Variants in RGS22 observed in about 807,000 individuals in gnomAD.
The protein encoded by RGS22 is regulator of G-protein signaling 22.
RGS22 carries 148 observed loss-of-function variants against 172.9 expected under a neutral mutation model. The ratio of observed to expected loss-of-function variants is 0.86; its 90% CI spans 0.75 to 0.98. The LOEUF is 0.98. Ranked by LOEUF, RGS22 falls within the 50% of genes least tolerant of loss-of-function variation. The pLI is 0.00. For missense variants in RGS22, 1,347 were observed against 1,440.8 expected (o/e 0.93, Z 1.05); for synonymous variants, 458 against 480.2 (o/e 0.95, Z 0.60).
At chr8:100,021,621 C>A (rs569916121) in intron 14 of RGS22, among the ~76,000 whole-genome samples, 1 of 152,218 alleles carries the variant, frequency 6.6e-6, no homozygotes, top group Admixed American at 6.5e-5. Context: ...CACAACAGAA[C>A]AGATGTCCAC....
chr8:100,028,301 A>G (rs181548371), intron 14 of RGS22, among the ~76,000 whole-genome samples: 7 of 152,194 alleles, frequency 4.6e-5, no homozygotes, highest in Non-Finnish European at 7.4e-5. Flanking sequence ...CAGCATTTCT[A>G]GGTATTTTTT....
At chr8:100,014,628 G>C (rs1227402232) in intron 14 of RGS22, among the ~76,000 whole-genome samples, 1 of 151,988 alleles carries the variant, frequency 6.6e-6, no homozygotes, top group Non-Finnish European at 1.5e-5. Context: ...TTGATTCTAT[G>C]CCAATTTCCG....
At chr8:99,992,092 G>GCC (rs1813799150) in intron 20 of RGS22, among the ~76,000 whole-genome samples, 1 of 152,194 alleles carries the variant, frequency 6.6e-6, no homozygotes, top group Non-Finnish European at 1.5e-5. Flanking sequence ...CACCAAGCCT[G>GCC]CCTGACAAGA....
intron 18 of RGS22, among the ~76,000 whole-genome samples, chr8:100,001,649 T>C (rs1815102459): frequency 6.6e-6 from 1 of 152,216 alleles, no homozygotes; most frequent in Admixed American, 6.5e-5. Context: ...TCCTGGTCAA[T>C]AAAAATATTT....
At chr8:100,016,169 C>T (rs1436101413) in intron 14 of RGS22, among the ~76,000 whole-genome samples, 1 of 152,144 alleles carries the variant, frequency 6.6e-6, no homozygotes, top group African/African-American at 2.4e-5. Flanking sequence ...AAGAAACAGA[C>T]ATTTGTCTAA....
At chr8:99,976,562 C>A (rs1251074715) in intron 23 of RGS22, among the ~76,000 whole-genome samples, 1 of 152,038 alleles carries the variant, frequency 6.6e-6, no homozygotes, top group Non-Finnish European at 1.5e-5. Context: ...GGGGTTTCAC[C>A]GTGTTAGCCA....
intron 9 of RGS22, among the ~76,000 whole-genome samples, chr8:100,054,715 T>C (rs1822060509): frequency 6.6e-6 from 1 of 152,152 alleles, no homozygotes; most frequent in Non-Finnish European, 1.5e-5. Context: ...TCAGAAAGCA[T>C]TTGGTATAGA....
chr8:100,023,333 T>C (rs1317379583), intron 14 of RGS22, among the ~76,000 whole-genome samples: 2 of 152,220 alleles, frequency 1.3e-5, no homozygotes, highest in African/African-American at 4.8e-5. Context: ...GGACAGTACT[T>C]CAAGGGCATG....
chr8:100,015,161 C>G (rs776836424), intron 14 of RGS22, among the ~76,000 whole-genome samples: 21 of 152,214 alleles, frequency 1.4e-4, no homozygotes, highest in Non-Finnish European at 3.1e-4. Context: ...ACCTTTGCTT[C>G]TAGCAGCCTA....
At chr8:100,001,205 T>TATATATA (rs1554611136) in intron 18 of RGS22, among the ~76,000 whole-genome samples, 2 of 132,426 alleles carry the variant, frequency 1.5e-5, no homozygotes, top group African/African-American at 5.9e-5. Context: ...CAATTTTTTA[T>TATATATA]ATATATATAT....
intron 9 of RGS22, among the ~76,000 whole-genome samples, chr8:100,062,073 C>T (rs778740504): frequency 2.5e-4 from 38 of 152,086 alleles, no homozygotes; most frequent in Non-Finnish European, 4.7e-4. Flanking sequence ...ATCATGTTCT[C>T]ACTTATAAGT....
chr8:100,049,080 A>G (rs1425883898), intron 10 of RGS22, among the ~76,000 whole-genome samples: 4 of 152,188 alleles, frequency 2.6e-5, no homozygotes, highest in African/African-American at 9.6e-5. Flanking sequence ...TTGCTGGCTT[A>G]GGTGAAAGCT....
rs897569888 is a variant in RGS22, at chr8:100,058,353, G to T, written c.1514+4238C>A. 7.9e-5 allele frequency among the ~76,000 whole-genome samples: 12 copies of T among 152,024 alleles called. 1 individual carries two copies. The highest frequency in any genetic ancestry group is 1.8e-4 in the Non-Finnish European group (12 of 67,992). ...GATATCAATATCCAAATATAAGAAG[G>T]TTATAGAACACCAAGCAGATTTAAC... On this transcript the variant is annotated intron_variant, in intron 9 of 27. Transcript: ENST00000360863.
At chr8:100,094,993 T>C (rs3101313) in intron 2 of RGS22, among the ~76,000 whole-genome samples, 24,966 of 152,190 alleles carry the variant, frequency 0.16, 2,762 homozygotes, top group African/African-American at 0.31. Context: ...TTCTAAAGTA[T>C]ACATTTCATT....
rs1245783464 is a variant in RGS22, at chr8:100,060,421, T to TATATATATATATATATACACAC, written c.1514+2169_1514+2170insGTGTGTATATATATATATATAT. 3.0e-4 allele frequency among the ~76,000 whole-genome samples: 36 copies of TATATATATATATATATACACAC among 119,476 alleles called. 1 individual carries two copies. Among genetic ancestry groups the TATATATATATATATATACACAC allele is most frequent in the African/African-American group, 9.6e-4 (33 of 34,524 alleles). 78.4% of individuals were successfully genotyped at this position (119,476 alleles called of 152,430 possible). On this transcript the variant is annotated intron_variant, in intron 9 of 27. Coordinates refer to ENST00000360863, the MANE Select transcript of RGS22 (RefSeq NM_015668.5). ...CTACGTGTATATATATATATATATATACACACACACACACACACACGCACC... is the reference window on the plus strand; with the variant it reads ...CTACGTGTATATATATATATATATATATATATATATATATATACACACACACACACACACACACACACGCACC...
At chr8:99,984,900 T>C (rs1812921024) in intron 21 of RGS22, among the ~76,000 whole-genome samples, 1 of 152,230 alleles carries the variant, frequency 6.6e-6, no homozygotes, top group East Asian at 1.9e-4. Flanking sequence ...TTTCCCATCA[T>C]TGATTATTCT....
chr8:100,100,179 C>T (rs958089801), intron 2 of RGS22, among the ~76,000 whole-genome samples: 1 of 152,188 alleles, frequency 6.6e-6, no homozygotes, highest in Non-Finnish European at 1.5e-5. Context: ...AACCTACACC[C>T]AACCTCCTAT....
At chr8:100,065,785 CT>C (rs1273266460) in intron 7 of RGS22, among the ~76,000 whole-genome samples, 1 of 152,064 alleles carries the variant, frequency 6.6e-6, no homozygotes, top group African/African-American at 2.4e-5. Context: ...ATTGCAAAGA[CT>C]TAACAAGAAT....
intron 14 of RGS22, among the ~76,000 whole-genome samples, chr8:100,011,555 G>A (rs1816387763): frequency 6.6e-6 from 1 of 152,132 alleles, no homozygotes; most frequent in African/African-American, 2.4e-5. Flanking sequence ...TATAAATGGA[G>A]TTTTTGGAAG....
Sources: gnomAD v4.1 joint callset for allele counts (sites outside exome capture counted in the v4.1 genomes callset) on GRCh38, gnomAD v4.1.1 for gene constraint, MANE v1.5 for transcripts, NCBI Gene and HGNC (gene_info 2026-07-23, HGNC 2026-07-21) for gene names.